INVS: variants seen among roughly 807,000 people sequenced by gnomAD.
INVS encodes inversion of embryo turning homolog.
In INVS, 86 loss-of-function variants were observed where a neutral mutation model predicts 108.8. That is an observed-to-expected ratio of 0.79 (90% CI 0.66 to 0.95). The LOEUF (loss-of-function observed/expected upper bound fraction) is 0.95, where lower values mean the gene tolerates loss of function less well. Among genes scored for constraint, INVS ranks in the 40% least tolerant of loss-of-function variants. The pLI, the probability that INVS is intolerant of heterozygous loss-of-function variation, is 0.00. For synonymous variants in INVS, 455 were observed against 473.5 expected, an observed-to-expected ratio of 0.96 and a Z score of 0.51; for missense variants, 1,169 against 1,297.4, an observed-to-expected ratio of 0.90 and a Z score of 1.52.
At chr9:100,189,336 A>G (rs953897918) in intron 3 of INVS, among the ~76,000 whole-genome samples, 2 of 149,988 alleles carry the variant, frequency 1.3e-5, no homozygotes, top group Non-Finnish European at 3.0e-5. Flanking sequence ...TAGGTTGTCA[A>G]TTTGTGATCT....
chr9:100,258,846 G>T (rs111664976), intron 10 of INVS, among the ~76,000 whole-genome samples: 2 of 152,214 alleles, frequency 1.3e-5, no homozygotes, highest in Non-Finnish European at 2.9e-5. Context: ...ATGTCTCCCC[G>T]TTAGGCTATT....
intron 3 of INVS, among the ~76,000 whole-genome samples, chr9:100,156,476 T>G (rs569056784): frequency 6.6e-6 from 1 of 152,080 alleles, no homozygotes; most frequent in Non-Finnish European, 1.5e-5. Context: ...TTGCCCAAAG[T>G]GGTCTCTAAT....
intron 16 of INVS, 117 bp downstream of exon 16, chr9:100,298,127 C>A: frequency 6.4e-7 from 1 of 1,565,882 alleles, no homozygotes; most frequent in South Asian, 1.2e-5. Flanking sequence ...TTCCAATGGT[C>A]ATTTGATTTC....
intron 3 of INVS, among the ~76,000 whole-genome samples, chr9:100,160,701 C>T (rs1005476355): frequency 2.0e-5 from 3 of 152,036 alleles, no homozygotes; most frequent in South Asian, 2.1e-4. Context: ...CCCGTTGTTA[C>T]GAAGAAAAGT....
chr9:100,156,257 CTTT>C (rs931919205), intron 3 of INVS, among the ~76,000 whole-genome samples: 6 of 124,694 alleles, frequency 4.8e-5, no homozygotes, highest in African/African-American at 3.2e-5. Context: ...GTTAGGAATA[CTTT>C]TTTTTTTTTT....
chr9:100,240,166 C>T lies in INVS; in HGVS notation c.722C>T (p.Thr241Ile), dbSNP rs1248564172. The T allele has an allele frequency of 6.2e-7, 1 of 1,613,896 alleles. No homozygotes were observed. Among genetic ancestry groups the T allele is most frequent in the South Asian group, 1.1e-5 (1 of 91,078 alleles). ...DGNVTVVDVL[T>I]SYESCNITSY... Reference sequence around the variant, plus strand: ...AATGTGACCGTGGTTGATGTCTTGACCTCATATGAAAGCTGCAATATAACG... The same window carrying T: ...AATGTGACCGTGGTTGATGTCTTGATCTCATATGAAAGCTGCAATATAACG... Residue 241 changes from threonine to isoleucine, a missense_variant, in exon 6 of 17, where the codon ACC (threonine) becomes ATC (isoleucine). By Grantham distance (89) the Thr-to-Ile change is moderately conservative. Coordinates refer to ENST00000262457, the MANE Select transcript of INVS (RefSeq NM_014425.5).
chr9:100,237,142 G>A (rs1831712998), intron 5 of INVS, among the ~76,000 whole-genome samples: 1 of 152,170 alleles, frequency 6.6e-6, no homozygotes, highest in South Asian at 2.1e-4. Flanking sequence ...ACTTCTTGGA[G>A]GCTTTGTTTA....
chr9:100,254,453 G>A (rs1832347916), intron 10 of INVS, among the ~76,000 whole-genome samples: 1 of 152,094 alleles, frequency 6.6e-6, no homozygotes, highest in African/African-American at 2.4e-5. Flanking sequence ...GGCTTTTGTT[G>A]CCATTGCTTT....
chr9:100,161,372 A>ACAAC (rs1357620784), intron 3 of INVS, among the ~76,000 whole-genome samples: 2 of 148,992 alleles, frequency 1.3e-5, no homozygotes, highest in African/African-American at 5.0e-5. Flanking sequence ...CTCAAAAAAA[A>ACAAC]AAAAAAAAAA....
intron 5 of INVS, among the ~76,000 whole-genome samples, chr9:100,235,642 T>C: frequency 6.6e-6 from 1 of 152,206 alleles, no homozygotes; most frequent in Non-Finnish European, 1.5e-5. Context: ...TTTGGCTGGA[T>C]ATGAAATTCT....
chr9:100,173,130 A>G (rs897564745), intron 3 of INVS, among the ~76,000 whole-genome samples: 2 of 152,230 alleles, frequency 1.3e-5, no homozygotes, highest in African/African-American at 4.8e-5. Flanking sequence ...TTAAAGTAGC[A>G]ATGGCTTTTG....
chr9:100,162,954 T>A (rs956696694), intron 3 of INVS, among the ~76,000 whole-genome samples: 7 of 152,138 alleles, frequency 4.6e-5, no homozygotes, highest in African/African-American at 1.4e-4. Context: ...AGGATGGGCA[T>A]ATATATTAGC....
At chr9:100,165,613 C>A (rs1002777675) in intron 3 of INVS, among the ~76,000 whole-genome samples, 4 of 151,778 alleles carry the variant, frequency 2.6e-5, no homozygotes, top group African/African-American at 7.3e-5. Context: ...AATTTTTTTT[C>A]ATTTTTAATA....
At chr9:100,143,338 G>A (rs1227883201) in intron 3 of INVS, among the ~76,000 whole-genome samples, 1 of 152,148 alleles carries the variant, frequency 6.6e-6, no homozygotes, top group African/African-American at 2.4e-5. Context: ...AGGTAAAATG[G>A]GGGAATTGTA....
Position 100,127,506 on chromosome 9 carries a change from ATTT to A in INVS, c.273+960_273+962del, listed in dbSNP as rs573448001. Among the ~76,000 whole-genome samples the A allele has an allele frequency of 2.8e-3, 424 of 152,190 alleles. 1 individual carries two copies. Among genetic ancestry groups the A allele is most frequent in the Middle Eastern group, 6.8e-3 (2 of 294 alleles). ...ATAAAATAGATTTCCAGTGCCTGGTATTTTTCTTTTTGTTATTTTAGATTTCTG... is the reference window on the plus strand; with the variant it reads ...ATAAAATAGATTTCCAGTGCCTGGTATTCTTTTTGTTATTTTAGATTTCTG... On this transcript the variant is annotated intron_variant, in intron 3 of 16. Transcript: ENST00000262457.
At chr9:100,155,163 A>G (rs956313955) in intron 3 of INVS, among the ~76,000 whole-genome samples, 2 of 151,638 alleles carry the variant, frequency 1.3e-5, no homozygotes, top group African/African-American at 4.8e-5. Flanking sequence ...GAGAGCCGAG[A>G]TAGTGCCATT....
chr9:100,131,861 T>C (rs1481235662), intron 3 of INVS: 1 of 913,434 alleles, frequency 1.1e-6, no homozygotes, highest in Admixed American at 6.2e-5. Context: ...ATTGAATGTT[T>C]ATTTTCAGTT....
intron 13 of INVS, among the ~76,000 whole-genome samples, chr9:100,290,184 T>A (rs1196204768): frequency 6.6e-6 from 1 of 151,882 alleles, no homozygotes; most frequent in Non-Finnish European, 1.5e-5. Context: ...GCCAGAGAAG[T>A]GTCTCTCACT....
chr9:100,144,949 A>G (rs535196422), intron 3 of INVS, among the ~76,000 whole-genome samples: 10 of 152,324 alleles, frequency 6.6e-5, no homozygotes, highest in Non-Finnish European at 1.3e-4. Flanking sequence ...CAGGCACCTC[A>G]GACCATTTGC....
Sources: gnomAD v4.1 joint callset for allele counts (sites outside exome capture counted in the v4.1 genomes callset) on GRCh38, gnomAD v4.1.1 for gene constraint, MANE v1.5 for transcripts, NCBI Gene and HGNC (gene_info 2026-07-23, HGNC 2026-07-21) for gene names.